The following CA10 variants were observed in gnomAD, a reference collection of about 807,000 sequenced individuals.
CA10 encodes carbonic anhydrase 10 (inactive).
CA10 carries 14 observed loss-of-function variants against 44.2 expected under a neutral mutation model. The ratio of observed to expected loss-of-function variants is 0.32; its 90% CI spans 0.21 to 0.50. The LOEUF (loss-of-function observed/expected upper bound fraction) is 0.50, where lower values mean the gene tolerates loss of function less well. CA10 is among the 20% of genes least tolerant of loss of function. The pLI is 0.99. For synonymous variants in CA10, 159 were observed against 141.6 expected (o/e 1.12, Z -0.87); for missense variants, 350 against 409.7 (o/e 0.85, Z 1.26).
At chr17:51,647,699 T>C (rs1233958253) in intron 6 of CA10, among the ~76,000 whole-genome samples, 1 of 152,216 alleles carries the variant, frequency 6.6e-6, no homozygotes, top group Non-Finnish European at 1.5e-5. Context: ...TTTGAAAACA[T>C]TTTATTTAAT....
chr17:52,080,453 AAAATAAATAAATAAATAAATAAATAAAT>A (rs71357869), intron 1 of CA10, among the ~76,000 whole-genome samples: 11 of 138,026 alleles, frequency 8.0e-5, no homozygotes, highest in African/African-American at 2.9e-4. Flanking sequence ...CTCCATCTCA[AAAATAAATAAATAAATAAATAAATAAAT>A]AAATAAATAA....
chr17:52,125,342 C>T (rs555083562), intron 1 of CA10, among the ~76,000 whole-genome samples: 9 of 152,274 alleles, frequency 5.9e-5, no homozygotes, highest in African/African-American at 1.4e-4. Context: ...TCTTGACAGC[C>T]GGCTGGTTGG....
At chr17:51,706,855 T>C (rs1159021595) in intron 4 of CA10, among the ~76,000 whole-genome samples, 1 of 152,162 alleles carries the variant, frequency 6.6e-6, no homozygotes, top group Admixed American at 6.5e-5. Context: ...CAAGCTGGCC[T>C]TTCCATCTCC....
chr17:52,136,801 A>G (rs1201730558), intron 1 of CA10, among the ~76,000 whole-genome samples: 3 of 152,206 alleles, frequency 2.0e-5, no homozygotes, highest in Non-Finnish European at 1.5e-5. Flanking sequence ...GTGACAGAAG[A>G]GAGTATATTT....
intron 4 of CA10, among the ~76,000 whole-genome samples, chr17:51,673,643 C>G (rs1408148343): frequency 1.3e-5 from 2 of 152,220 alleles, no homozygotes; most frequent in African/African-American, 2.4e-5. Flanking sequence ...CAAGTACTCT[C>G]ACCTTATTAT....
chr17:51,732,054 T>A (rs1916742068), intron 4 of CA10, among the ~76,000 whole-genome samples: 1 of 152,172 alleles, frequency 6.6e-6, no homozygotes, highest in African/African-American at 2.4e-5. Context: ...TTCTTCTCAC[T>A]CAGGAAGAGC....
Position 52,157,749 on chromosome 17 carries a change from G to T in CA10, c.38C>A (p.Ala13Asp). 1 of 1,614,042 alleles carries T rather than the reference G, an allele frequency of 6.2e-7. No individual in the cohort carries two copies. The highest frequency in any genetic ancestry group is 8.5e-7 in the Non-Finnish European group (1 of 1,179,980). ...IVWEVLFLLQ[A>D]NFIVCISAQQ... The stretch of plus-strand genomic sequence containing the variant: ...ACCTGATATGCAGACGATGAAATTG[G>T]CTTGAAGAAGAAAAAGCACCTCCCA... Residue 13 changes from alanine to aspartate, a missense_variant, in exon 1 of 9, where the codon GCC (alanine) becomes GAC (aspartate). By Grantham distance (126) the Ala-to-Asp change is moderately radical. Coordinates refer to ENST00000451037, the MANE Select transcript of CA10 (RefSeq NM_020178.5).
chr17:51,747,866 G>A (rs1171415018), intron 3 of CA10, 48 bp from the exon 4 acceptor site: 35 of 1,445,658 alleles, frequency 2.4e-5, no homozygotes, highest in Non-Finnish European at 3.3e-5. Context: ...CTTCTTCTAT[G>A]CCTCCCCAAA....
chr17:51,919,323 G>C (rs1455762679), intron 3 of CA10, among the ~76,000 whole-genome samples: 3 of 152,138 alleles, frequency 2.0e-5, no homozygotes, highest in Non-Finnish European at 4.4e-5. Context: ...CAATTTCAGA[G>C]CCTTCTTGGA....
intron 4 of CA10, among the ~76,000 whole-genome samples, chr17:51,712,726 T>C (rs1160445222): frequency 1.3e-5 from 2 of 152,234 alleles, no homozygotes; most frequent in Non-Finnish European, 2.9e-5. Flanking sequence ...TGAACTCTTC[T>C]TAACTAGAAA....
At chr17:51,985,812 C>T (rs994825079) in intron 2 of CA10, among the ~76,000 whole-genome samples, 1 of 151,898 alleles carries the variant, frequency 6.6e-6, no homozygotes, top group African/African-American at 2.4e-5. Flanking sequence ...GGTGAAAGAC[C>T]TCTACAAGGA....
intron 3 of CA10, among the ~76,000 whole-genome samples, chr17:51,872,319 C>T (rs2143863954): frequency 6.6e-6 from 1 of 152,246 alleles, no homozygotes; most frequent in East Asian, 1.9e-4. Context: ...AGGGCCTCTC[C>T]CAGCAAAGTG....
At chr17:51,723,818 C>A (rs1916432350) in intron 4 of CA10, among the ~76,000 whole-genome samples, 1 of 152,174 alleles carries the variant, frequency 6.6e-6, no homozygotes, top group South Asian at 2.1e-4. Context: ...CCCTCTTTTC[C>A]ATCTGTCCTC....
intron 4 of CA10, among the ~76,000 whole-genome samples, chr17:51,680,299 G>A (rs1031347218): frequency 2.0e-5 from 3 of 152,168 alleles, no homozygotes; most frequent in South Asian, 4.1e-4. Flanking sequence ...AATAAGGAAA[G>A]CAGGTGGCAT....
chr17:52,000,189 G>A (rs1035547054), intron 2 of CA10, among the ~76,000 whole-genome samples: 2 of 152,100 alleles, frequency 1.3e-5, no homozygotes, highest in Admixed American at 6.6e-5. Flanking sequence ...ACTTCATGAT[G>A]TGAGCAACAT....
At chr17:51,927,684 G>A (rs1243912711) in intron 3 of CA10, among the ~76,000 whole-genome samples, 1 of 152,046 alleles carries the variant, frequency 6.6e-6, no homozygotes, top group Non-Finnish European at 1.5e-5. Context: ...AGACATGAAA[G>A]GTGAACATTT....
At chr17:51,928,081 T>C (rs980306473) in intron 3 of CA10, among the ~76,000 whole-genome samples, 4 of 152,156 alleles carry the variant, frequency 2.6e-5, no homozygotes, top group Admixed American at 6.6e-5. Flanking sequence ...TCATAAGTGC[T>C]TCAAATTTTA....
chr17:51,748,474 A>G (rs557522862), intron 3 of CA10: 527 of 985,318 alleles, frequency 5.3e-4, no homozygotes, highest in Non-Finnish European at 6.1e-4. Flanking sequence ...AACTGCTAAC[A>G]TGACTGCTTG....
intron 2 of CA10, among the ~76,000 whole-genome samples, chr17:51,938,994 A>G (rs927788796): frequency 6.6e-5 from 10 of 152,092 alleles, no homozygotes; most frequent in Admixed American, 6.6e-5. Context: ...AGGTCAAATG[A>G]TCCACAGGTG....
Sources: gnomAD v4.1 joint callset for allele counts (sites outside exome capture counted in the v4.1 genomes callset) on GRCh38, gnomAD v4.1.1 for gene constraint, MANE v1.5 for transcripts, NCBI Gene and HGNC (gene_info 2026-07-23, HGNC 2026-07-21) for gene names.